The following NAF1 variants were observed in gnomAD, a reference collection of about 807,000 sequenced individuals.
NAF1 encodes the protein nuclear assembly factor 1 ribonucleoprotein, also known as H/ACA ribonucleoprotein complex non-core subunit NAF1.
In NAF1, 11 loss-of-function variants were observed where a neutral mutation model predicts 40.6. That is an observed-to-expected ratio of 0.27 (90% CI 0.17 to 0.45). The LOEUF is 0.45. Ranked by LOEUF, NAF1 falls within the 20% of genes least tolerant of loss-of-function variation. The pLI is 1.00. For missense variants in NAF1, 607 were observed against 611.1 expected (o/e 0.99, Z 0.07); for synonymous variants, 260 against 228.5 (o/e 1.14, Z -1.24).
chr4:163,160,004 T>C (rs1732151548), intron 2 of NAF1, among the ~76,000 whole-genome samples: 1 of 152,194 alleles, frequency 6.6e-6, no homozygotes, highest in African/African-American at 2.4e-5. Flanking sequence ...CATTTTTAAT[T>C]ACACTTGATA....
At position 163,166,395 on chromosome 4, in the gene NAF1, C is replaced by T; in HGVS notation, c.333G>A (p.Leu111=). Residue 111 remains leucine (L), a synonymous_variant, in exon 1 of 8, where the codon TTG becomes TTA. Transcript: ENST00000274054. ...AGTCCGAATCCGAGTCCGAGGTCTC[C>T]AAGGAGTCCGGCGCCCGCGCAGGCT... ...AAEPARAPDS[L]ETSDSDSDSD... is the part of the protein sequence containing the mutation. The T allele has an allele frequency of 6.2e-7, 1 of 1,607,298 alleles. No individual in the cohort carries two copies. Among genetic ancestry groups the T allele is most frequent in the South Asian group, 1.1e-5 (1 of 90,562 alleles).
chr4:163,124,519 AG>A (rs1730599384), downstream of NAF1, among the ~76,000 whole-genome samples: 2 of 152,238 alleles, frequency 1.3e-5, no homozygotes, highest in African/African-American at 4.8e-5. Context: ...TTATATAAAT[AG>A]TTATACTTTA....
chr4:163,129,561 G>C (rs1430656891), intron 7 of NAF1, among the ~76,000 whole-genome samples: 1 of 152,094 alleles, frequency 6.6e-6, no homozygotes, highest in Admixed American at 6.5e-5. Flanking sequence ...ACACTTAGAT[G>C]ATAACCATTC....
chr4:163,128,960 AGGGG>A lies in NAF1; in HGVS notation c.1418_1421del (p.Pro473LeufsTer23), dbSNP rs1730755210. 2.9e-6 allele frequency: 1 copy of A among 345,928 alleles called. No individual in the cohort carries two copies. Among genetic ancestry groups the A allele is most frequent in the East Asian group, 7.5e-5 (1 of 13,344 alleles). The allele number at this position is 345,928 out of a possible 1,614,324, so 21.4% of individuals were successfully genotyped here. A position where few individuals can be genotyped will look rare whatever the true frequency, so the allele number is the denominator to read the frequency against. ...AAGAGGGTGGAGGAGGCAGTGGTGG[AGGGG>A]GAGGGGGTGGGGGTAGGGAGTATGG... is the stretch of plus-strand genomic sequence containing the variant. On this transcript the variant is annotated frameshift_variant, in exon 8 of 8. Transcript: ENST00000274054. LOFTEE classifies it high-confidence loss of function.
At chr4:163,116,364 C>T (rs1730338427) in intron 2 of NAF1, among the ~76,000 whole-genome samples, 1 of 151,846 alleles carries the variant, frequency 6.6e-6, no homozygotes, top group African/African-American at 2.4e-5. Context: ...CTGAGTTAAC[C>T]TTGAATTATT....
At chr4:163,140,638 C>T (rs978007100) in intron 4 of NAF1, among the ~76,000 whole-genome samples, 14 of 152,214 alleles carry the variant, frequency 9.2e-5, no homozygotes, top group African/African-American at 3.4e-4. Flanking sequence ...GTTTGTTCCT[C>T]ACCAAATTCA....
intron 2 of NAF1, among the ~76,000 whole-genome samples, chr4:163,111,358 T>C (rs538924722): frequency 6.6e-6 from 1 of 152,250 alleles, no homozygotes; most frequent in South Asian, 2.1e-4. Context: ...CCACCATTAT[T>C]CCCTCCCCAT....
In NAF1 at chr4:163,129,060, G is replaced by A. The variant is rs761579555; in HGVS notation, c.1322C>T (p.Pro441Leu). The A allele has an allele frequency of 6.5e-7, 1 of 1,535,712 alleles. No homozygotes were observed. The highest frequency in any genetic ancestry group is 2.0e-5 in the Admixed American group (1 of 51,036). ...MHNFPLRPPP[P>L]PPPPPVNMGW... ...CATGTTTACAGGTGGGGGTGGTGGT[G>A]GGGGTGGAGGGCGGAGGGGAAAATT... Residue 441 changes from proline to leucine, a missense_variant, in exon 8 of 8, where the codon CCA (proline) becomes CTA (leucine). Coordinates refer to ENST00000274054, the MANE Select transcript of NAF1 (RefSeq NM_138386.3).
chr4:163,158,172 A>AACC (rs1444652891), intron 2 of NAF1: 2 of 152,230 alleles, frequency 1.3e-5, no homozygotes, highest in African/African-American at 4.8e-5. Context: ...GAAATTATCT[A>AACC]ACCACTTTTC....
At chr4:163,154,159 A>G (rs1469551974) in intron 2 of NAF1, among the ~76,000 whole-genome samples, 1 of 152,244 alleles carries the variant, frequency 6.6e-6, no homozygotes, top group Non-Finnish European at 1.5e-5. Context: ...CTCACCGCGA[A>G]GGTCTGCGGC....
At chr4:163,140,137 A>T in intron 5 of NAF1, 86 bp downstream of exon 5, 1 of 1,104,480 alleles carries the variant, frequency 9.1e-7, no homozygotes, top group Non-Finnish European at 1.3e-6. Context: ...CACACAATAT[A>T]ACTGTAAGAA....
chr4:163,158,366 T>C (rs1732078056), intron 2 of NAF1: 1 of 152,084 alleles, frequency 6.6e-6, no homozygotes, highest in African/African-American at 2.4e-5. Flanking sequence ...ATTAGGTCTG[T>C]ACACTTTGTG....
intron 2 of NAF1, among the ~76,000 whole-genome samples, chr4:163,112,240 CAAAT>C (rs574028541): frequency 2.0e-5 from 3 of 151,998 alleles, no homozygotes; most frequent in Admixed American, 2.0e-4. Context: ...AGACAGTACA[CAAAT>C]AAAGTGATTA....
intron 4 of NAF1, among the ~76,000 whole-genome samples, chr4:163,143,572 A>G (rs1196173500): frequency 6.6e-6 from 1 of 152,176 alleles, no homozygotes; most frequent in East Asian, 1.9e-4. Context: ...AGTTATCTAG[A>G]GGGGGCTAGG....
At chr4:163,129,940 C>A (rs922384665) in intron 7 of NAF1, among the ~76,000 whole-genome samples, 1 of 152,124 alleles carries the variant, frequency 6.6e-6, no homozygotes, top group Non-Finnish European at 1.5e-5. Flanking sequence ...ACAAAGTACT[C>A]CTGTCCCTAC....
At chr4:163,135,526 C>T (rs969965362) in intron 6 of NAF1, 1 of 152,198 alleles carries the variant, frequency 6.6e-6, no homozygotes, top group African/African-American at 2.4e-5. Context: ...TGCGGTGGCT[C>T]ACGCCTGAAA....
intron 2 of NAF1, among the ~76,000 whole-genome samples, chr4:163,154,850 G>A (rs192223302): frequency 3.4e-4 from 51 of 149,084 alleles, no homozygotes; most frequent in Non-Finnish European, 6.8e-4. Flanking sequence ...CAGCCTGGGC[G>A]ACAGAGCAAA....
intron 2 of NAF1, among the ~76,000 whole-genome samples, chr4:163,153,677 C>T (rs1307850351): frequency 1.3e-5 from 2 of 152,120 alleles, no homozygotes; most frequent in Non-Finnish European, 2.9e-5. Flanking sequence ...ACCTTTGTAT[C>T]TAGCTCAGGG....
rs1246500493 is a variant in NAF1 at position 163,166,785 on chromosome 4, G to A, written c.-58C>T. ...ATTGGGGCCCCTGGACAAGCTCACG[G>A]CTCTCTCCAGAAATAGAAAAACAAC... On this transcript the variant is annotated 5_prime_UTR_variant, in exon 1 of 8. Coordinates refer to ENST00000274054, the MANE Select transcript of NAF1 (RefSeq NM_138386.3). 2 of 1,598,360 alleles carry A rather than the reference G, an allele frequency of 1.3e-6. No homozygotes were observed. Among genetic ancestry groups the A allele is most frequent in the Non-Finnish European group, 1.7e-6 (2 of 1,174,004 alleles).
Sources: gnomAD v4.1 joint callset for allele counts (sites outside exome capture counted in the v4.1 genomes callset) on GRCh38, gnomAD v4.1.1 for gene constraint, MANE v1.5 for transcripts, NCBI Gene and HGNC (gene_info 2026-07-23, HGNC 2026-07-21) for gene names.